Variants in LIPC observed in about 807,000 individuals in gnomAD.
LIPC encodes lipase C, hepatic type.
LIPC carries 44 observed loss-of-function variants against 50.7 expected under a neutral mutation model. The ratio of observed to expected loss-of-function variants is 0.87; its 90% CI spans 0.68 to 1.11. The LOEUF (loss-of-function observed/expected upper bound fraction) is 1.11. Among genes scored for constraint, LIPC ranks in the 50% most tolerant of loss-of-function variants. LIPC has a pLI of 0.00. For synonymous variants in LIPC, 271 were observed against 256.4 expected, an observed-to-expected ratio of 1.06 and a Z score of -0.54; for missense variants, 697 against 648.2, an observed-to-expected ratio of 1.08 and a Z score of -0.82.
At chr15:58,546,791 C>A (rs1893544919) in intron 5 of LIPC, among the ~76,000 whole-genome samples, 1 of 152,194 alleles carries the variant, frequency 6.6e-6, no homozygotes, top group African/African-American at 2.4e-5. Flanking sequence ...AGAACACACT[C>A]TCTTGTGATG....
intron 1 of LIPC, among the ~76,000 whole-genome samples, chr15:58,508,694 T>A (rs1892238921): frequency 6.7e-6 from 1 of 149,878 alleles, no homozygotes; most frequent in Non-Finnish European, 1.5e-5. Context: ...ACGACTGACA[T>A]AGTCCCCAAC....
At chr15:58,516,928 G>A (rs1892504536) in intron 1 of LIPC, among the ~76,000 whole-genome samples, 1 of 152,158 alleles carries the variant, frequency 6.6e-6, no homozygotes, top group African/African-American at 2.4e-5. Context: ...TTGGTGCTGG[G>A]TATTCCTACA....
intron 1 of LIPC, 108 bp from the exon 2 acceptor site, chr15:58,538,215 TCCAGCATCTC>T: frequency 2.0e-6 from 2 of 985,386 alleles, no homozygotes; most frequent in African/African-American, 1.6e-5. Flanking sequence ...CATTCTGATC[TCCAGCATCTC>T]CCAGTAACCT....
rs35631005 is a variant in LIPC at position 58,557,188 on chromosome 15, C to T, written c.1052-3676C>T. Among the ~76,000 whole-genome samples, 1,191 of 152,162 alleles carry T rather than the reference C, an allele frequency of 7.8e-3. 8 individuals are homozygous for T. The highest frequency in any genetic ancestry group is 9.5e-3 in the Non-Finnish European group (647 of 67,994). ...TGTGAGCCGACGCCCCAGCCATATA[C>T]GACTTACTAGCTGTGTGATCCGAGA... On this transcript the variant is annotated intron_variant, in intron 6 of 8. Transcript: ENST00000299022.
At position 58,516,453 on chromosome 15, in the gene LIPC, C is replaced by T. The variant is rs368208427; in HGVS notation, c.89-21880C>T. Among the ~76,000 whole-genome samples the T allele has an allele frequency of 9.9e-5, 15 of 152,086 alleles. No individual in the cohort carries two copies. In the East Asian group the frequency reaches 1.7e-3, roughly 18 times the overall value. On this transcript the variant is annotated intron_variant, in intron 1 of 8. Coordinates refer to ENST00000299022, the MANE Select transcript of LIPC (RefSeq NM_000236.3). ...CCTTTCTTGTCTCCTTTGGAATTTT[C>T]AATTACATATATATGAGGCCTCTTA...
Position 58,563,655 on chromosome 15 carries a change from C to T in LIPC, c.1320C>T (p.Ser440=), listed in dbSNP as rs766148684. 2.8e-5 allele frequency: 45 copies of T among 1,614,126 alleles called. No homozygotes were observed. The highest frequency in any genetic ancestry group is 3.6e-5 in the Non-Finnish European group (42 of 1,180,046). ...CGGTCCAGACCATCATCCCATGGAG[C>T]ACAGGGCCGCGCCACTCAGGCCTCG... ...WDTVQTIIPW[S]TGPRHSGLVL... The change falls in exon 8 of 9, where the codon AGC becomes AGT. Residue 440 remains serine, a synonymous_variant. Transcript: ENST00000299022.
At position 58,482,644 on chromosome 15, in the gene LIPC, T is replaced by A. The variant is rs114712051; in HGVS notation, c.88+50524T>A. ...CTCCATGGCTGGGACCAATCCTCAC[T>A]GAGCAGTGTTCCTGGGCACAGCCAG... On this transcript the variant is annotated intron_variant, in intron 1 of 8. Coordinates refer to ENST00000299022, the MANE Select transcript of LIPC (RefSeq NM_000236.3). Among the ~76,000 whole-genome samples the A allele has an allele frequency of 6.9e-3, 1,049 of 152,314 alleles. 14 individuals carry two copies. Among genetic ancestry groups the A allele is most frequent in the African/African-American group, 0.024 (1,003 of 41,566 alleles).
intron 1 of LIPC, among the ~76,000 whole-genome samples, chr15:58,443,778 A>C (rs564931050): frequency 6.6e-6 from 1 of 152,246 alleles, no homozygotes; most frequent in African/African-American, 2.4e-5. Context: ...AGGAGTCAGC[A>C]AAGGGTGGTG....
chr15:58,539,519 G>A (rs544373389), intron 2 of LIPC, among the ~76,000 whole-genome samples: 1 of 152,250 alleles, frequency 6.6e-6, no homozygotes, highest in African/African-American at 2.4e-5. Flanking sequence ...TGCCTCCCCA[G>A]TGTCTAGCCC....
chr15:58,567,279 GTGTATA>G (rs1290583444), intron 8 of LIPC, among the ~76,000 whole-genome samples: 4 of 71,956 alleles, frequency 5.6e-5, no homozygotes, highest in Non-Finnish European at 8.0e-5. Flanking sequence ...GTGTGTGTGT[GTGTATA>G]TATATATACA....
At chr15:58,437,023 G>A (rs1480476650) in intron 1 of LIPC, 6 of 370,324 alleles carry the variant, frequency 1.6e-5, no homozygotes, top group Middle Eastern at 7.4e-4. Flanking sequence ...ACTGAAGTTG[G>A]GGACTCCAGC....
rs748730218 is a variant in LIPC at position 58,563,512 on chromosome 15, G to T, written c.1177G>T (p.Gly393Ter). The change falls in exon 8 of 9, where the codon GGA becomes TGA. Residue 393 changes from glycine (G) to a stop codon, truncating the protein, a stop_gained. Coordinates refer to ENST00000299022, the MANE Select transcript of LIPC (RefSeq NM_000236.3). LOFTEE classifies it high-confidence loss of function. ...MQKIPITLGK[G>*]IASNKTYSFL... Reference sequence around the variant, plus strand: ...TTTCTTTGTGTATTCAAGGGGCAAAGGAATTGCTAGTAATAAAACGTATTC... The same window carrying T: ...TTTCTTTGTGTATTCAAGGGGCAAATGAATTGCTAGTAATAAAACGTATTC... 1.2e-6 allele frequency: 2 copies of T among 1,613,768 alleles called. No individual in the cohort carries two copies. Among genetic ancestry groups the T allele is most frequent in the Middle Eastern group, 1.7e-4 (1 of 6,060 alleles).
rs74428845 is a variant in LIPC at position 58,507,949 on chromosome 15, G to T, written c.89-30384G>T. On this transcript the variant is annotated intron_variant, in intron 1 of 8. Transcript: ENST00000299022. The stretch of plus-strand genomic sequence containing the variant: ...CTTACAATGGCCATGGACGAAGTCT[G>T]TTGGGACTTCAGAGCAGACAAGGGC... 1.0e-3 allele frequency among the ~76,000 whole-genome samples: 153 copies of T among 152,316 alleles called. 1 individual carries two copies. The highest frequency in any genetic ancestry group is 3.5e-3 in the African/African-American group (145 of 41,570).
rs1176596265 is a variant in LIPC, at chr15:58,551,898, G to T, written c.1051+3326G>T. On this transcript the variant is annotated intron_variant, in intron 6 of 8. Coordinates refer to ENST00000299022, the MANE Select transcript of LIPC (RefSeq NM_000236.3). ...AGATATTTCGACAAAACCATCAAAG[G>T]ATCTATTTTCTACAACTGTACACCA... Among the ~76,000 whole-genome samples the T allele has an allele frequency of 2.0e-5, 3 of 152,158 alleles. 1 individual carries two copies. The highest frequency in any genetic ancestry group is 2.9e-5 in the Non-Finnish European group (2 of 68,030).
intron 6 of LIPC, among the ~76,000 whole-genome samples, chr15:58,552,379 G>A (rs1449971290): frequency 6.6e-6 from 1 of 152,186 alleles, no homozygotes; most frequent in Non-Finnish European, 1.5e-5. Flanking sequence ...TACTGCACTT[G>A]GCCTCGGCGT....
intron 1 of LIPC, among the ~76,000 whole-genome samples, chr15:58,451,807 G>A (rs1893908988): frequency 6.6e-6 from 1 of 152,306 alleles, no homozygotes; most frequent in South Asian, 2.1e-4. Context: ...GCAGGAGGAT[G>A]CTCCTGCCCT....
intron 1 of LIPC, among the ~76,000 whole-genome samples, chr15:58,518,602 C>T (rs1440297524): frequency 6.6e-6 from 1 of 152,158 alleles, no homozygotes; most frequent in Non-Finnish European, 1.5e-5. Flanking sequence ...GAAGGCAACA[C>T]GGAATTAGTT....
At chr15:58,526,949 C>T (rs1285828277) in intron 1 of LIPC, among the ~76,000 whole-genome samples, 1 of 152,166 alleles carries the variant, frequency 6.6e-6, no homozygotes, top group Non-Finnish European at 1.5e-5. Context: ...AACTGACTGG[C>T]TCCAAAGCCA....
At chr15:58,546,063 C>A in intron 5 of LIPC, 88 bp downstream of exon 5, 1 of 1,147,216 alleles carries the variant, frequency 8.7e-7, no homozygotes, top group Non-Finnish European at 1.3e-6. Context: ...ATACGGGACT[C>A]AGGGAAGAGT....
Sources: gnomAD v4.1 joint callset for allele counts (sites outside exome capture counted in the v4.1 genomes callset) on GRCh38, gnomAD v4.1.1 for gene constraint, MANE v1.5 for transcripts, NCBI Gene and HGNC (gene_info 2026-07-23, HGNC 2026-07-21) for gene names.